SLC2A9: variants seen among roughly 807,000 people sequenced by gnomAD.
The protein encoded by SLC2A9 is solute carrier family 2, facilitated glucose transporter member 9.
In SLC2A9, 39 loss-of-function variants were observed where a neutral mutation model predicts 50.6. The ratio of observed to expected loss-of-function variants is 0.77; its 90% CI spans 0.60 to 1.01. The LOEUF is 1.01. Ranked by LOEUF, SLC2A9 falls within the 50% of genes least tolerant of loss-of-function variation. The probability of loss-of-function intolerance (pLI) is 0.00; values close to 1 mark genes in which losing one functional copy is unlikely to be tolerated. For synonymous variants in SLC2A9, 324 were observed against 276.9 expected, an observed-to-expected ratio of 1.17 and a Z score of -1.69; for missense variants, 686 against 677.6, an observed-to-expected ratio of 1.01 and a Z score of -0.14.
At chr4:9,989,369 CA>C (rs931315915) in intron 3 of SLC2A9, among the ~76,000 whole-genome samples, 13 of 152,290 alleles carry the variant, frequency 8.5e-5, no homozygotes, top group African/African-American at 3.1e-4. Context: ...ATTCCTGGTC[CA>C]TCCAACACCC....
chr4:9,952,132 G>T (rs554318777), intron 5 of SLC2A9, among the ~76,000 whole-genome samples: 18 of 152,300 alleles, frequency 1.2e-4, no homozygotes, highest in African/African-American at 4.3e-4. Flanking sequence ...TCCTCAGTTT[G>T]CTCATCCGTA....
intron 10 of SLC2A9, among the ~76,000 whole-genome samples, chr4:9,886,221 G>A (rs1437714093): frequency 3.9e-5 from 6 of 152,232 alleles, no homozygotes; most frequent in Middle Eastern, 3.2e-3. Flanking sequence ...GCATAGGGCC[G>A]TAGGCTGGAC....
At chr4:10,032,616 A>G (rs1355779912) in intron 1 of SLC2A9, among the ~76,000 whole-genome samples, 2 of 152,122 alleles carry the variant, frequency 1.3e-5, no homozygotes, top group African/African-American at 2.4e-5. Flanking sequence ...GCTCATACCA[A>G]GTCAAGTCTA....
chr4:9,931,479 G>T (rs1745904932), intron 6 of SLC2A9, among the ~76,000 whole-genome samples: 1 of 152,148 alleles, frequency 6.6e-6, no homozygotes, highest in Non-Finnish European at 1.5e-5. Context: ...AGAGGCTAAG[G>T]TTTATTGTGT....
intron 5 of SLC2A9, among the ~76,000 whole-genome samples, chr4:9,956,946 AG>A (rs1266894603): frequency 6.6e-6 from 1 of 152,134 alleles, no homozygotes; most frequent in Non-Finnish European, 1.5e-5. Context: ...AGCAAAGTGG[AG>A]GAAGTGGCAC....
At chr4:9,895,866 T>G (rs1189734313) in intron 8 of SLC2A9, among the ~76,000 whole-genome samples, 4 of 152,276 alleles carry the variant, frequency 2.6e-5, no homozygotes, top group Non-Finnish European at 5.9e-5. Context: ...TCCGATCTGC[T>G]TTCCAGCACA....
At chr4:9,873,701 A>G (rs1242176270) in intron 10 of SLC2A9, among the ~76,000 whole-genome samples, 2 of 152,190 alleles carry the variant, frequency 1.3e-5, no homozygotes, top group Non-Finnish European at 2.9e-5. Flanking sequence ...CTGGATGTAG[A>G]TAGGAGGAAA....
intron 6 of SLC2A9, among the ~76,000 whole-genome samples, chr4:9,941,554 C>T (rs968235470): frequency 1.3e-4 from 20 of 152,244 alleles, no homozygotes; most frequent in African/African-American, 4.3e-4. Context: ...AGGAGGGCCG[C>T]CATGCACCTA....
intron 2 of SLC2A9, among the ~76,000 whole-genome samples, chr4:10,005,261 C>T (rs545306802): frequency 5.3e-5 from 8 of 152,272 alleles, no homozygotes; most frequent in African/African-American, 1.7e-4. Context: ...AGTTACAGGA[C>T]GACAGGCAGA....
At chr4:9,811,830 A>C (rs1023079639) in intron 3 of SLC2A9, among the ~76,000 whole-genome samples, 1 of 152,196 alleles carries the variant, frequency 6.6e-6, no homozygotes, top group Admixed American at 6.5e-5. Flanking sequence ...AGAAGACACA[A>C]GGCTGAGGAT....
At chr4:9,985,973 T>TA (rs1290051105) in intron 3 of SLC2A9, among the ~76,000 whole-genome samples, 180 bp from the exon 4 acceptor site, 2 of 152,228 alleles carry the variant, frequency 1.3e-5, no homozygotes, top group Non-Finnish European at 2.9e-5. Flanking sequence ...CCCTGGGGTC[T>TA]ACTAGGTCAC....
intron 3 of SLC2A9, chr4:9,783,423 T>C (rs750598038): frequency 1.9e-5 from 30 of 1,613,492 alleles, no homozygotes; most frequent in Non-Finnish European, 2.5e-5. Context: ...GAGATTTCTT[T>C]AGACAAAATA....
chr4:9,949,082 T>C (rs999331531), intron 5 of SLC2A9, among the ~76,000 whole-genome samples: 1 of 152,326 alleles, frequency 6.6e-6, no homozygotes, highest in Admixed American at 6.5e-5. Context: ...ATCCTTTACC[T>C]TATAGCATTC....
chr4:10,005,777 T>A (rs1560475521), intron 2 of SLC2A9, among the ~76,000 whole-genome samples: 2 of 152,324 alleles, frequency 1.3e-5, no homozygotes, highest in Non-Finnish European at 2.9e-5. Flanking sequence ...CCTTGGGTGA[T>A]CTTAAGCAAT....
At position 10,021,323 on chromosome 4, in the gene SLC2A9, C is replaced by T. The variant is rs144053854; in HGVS notation, c.107G>A (p.Cys36Tyr). ...PPGPGRALLE[C>Y]DHLRSGVPGG... Reference sequence around the variant, plus strand: ...TGGCACCCCACTCCTCAGGTGGTCACACTCCAGCAGTGCCCTCCCTGGCCC... The same window carrying T: ...TGGCACCCCACTCCTCAGGTGGTCATACTCCAGCAGTGCCCTCCCTGGCCC... Residue 36 changes from cysteine to tyrosine, a missense_variant, in exon 1 of 12, where the codon TGT becomes TAT. Coordinates refer to ENST00000264784, the MANE Select transcript of SLC2A9 (RefSeq NM_020041.3). The T allele has an allele frequency of 1.9e-4, 312 of 1,614,188 alleles. No homozygotes were observed. In the African/African-American group the frequency reaches 3.7e-3, roughly 19 times the overall value.
At chr4:9,868,915 G>A (rs1732958090) in intron 10 of SLC2A9, among the ~76,000 whole-genome samples, 1 of 152,142 alleles carries the variant, frequency 6.6e-6, no homozygotes, top group Admixed American at 6.5e-5. Flanking sequence ...ACCCCCCAAA[G>A]GCATGGGTTC....
intron 3 of SLC2A9, among the ~76,000 whole-genome samples, chr4:9,781,252 G>T (rs1718316095): frequency 6.6e-6 from 1 of 152,200 alleles, no homozygotes; most frequent in South Asian, 2.1e-4. Flanking sequence ...AAGTCGCAGA[G>T]CCAGGAATAA....
intron 10 of SLC2A9, among the ~76,000 whole-genome samples, chr4:9,851,419 C>A (rs1729893915): frequency 6.6e-6 from 1 of 152,118 alleles, no homozygotes; most frequent in Non-Finnish European, 1.5e-5. Flanking sequence ...AGCAAAAAAC[C>A]CTATCTAAAG....
intron 10 of SLC2A9, among the ~76,000 whole-genome samples, chr4:9,883,704 G>T (rs1248919144): frequency 2.6e-5 from 4 of 152,212 alleles, no homozygotes; most frequent in African/African-American, 9.6e-5. Flanking sequence ...CTTTAAGGGT[G>T]CCCTGTGGGT....
Sources: gnomAD v4.1 joint callset for allele counts (sites outside exome capture counted in the v4.1 genomes callset) on GRCh38, gnomAD v4.1.1 for gene constraint, MANE v1.5 for transcripts, NCBI Gene and HGNC (gene_info 2026-07-23, HGNC 2026-07-21) for gene names.